The following GPR39 variants were observed in gnomAD, a reference collection of about 807,000 sequenced individuals.
GPR39 encodes the protein G protein-coupled receptor 39.
Under a neutral mutation model 18.4 loss-of-function variants are expected in GPR39, and 23 were observed. The ratio of observed to expected loss-of-function variants is 1.25; its 90% CI spans 0.90 to 1.77. GPR39 has a LOEUF of 1.77. Among genes scored for constraint, GPR39 ranks in the 40% most tolerant of loss-of-function variants. GPR39 has a pLI of 0.00. For synonymous variants in GPR39, 280 were observed against 257.9 expected (o/e 1.09, Z -0.82); for missense variants, 647 against 602.4 (o/e 1.07, Z -0.78).
chr2:132,584,414 T>C (rs893486395), intron 1 of GPR39, among the ~76,000 whole-genome samples: 2 of 152,116 alleles, frequency 1.3e-5, no homozygotes, highest in African/African-American at 4.8e-5. Flanking sequence ...CCACCGAATA[T>C]TCAGAACAAA....
intron 1 of GPR39, among the ~76,000 whole-genome samples, chr2:132,600,040 C>A (rs573157654): frequency 5.4e-4 from 83 of 152,300 alleles, no homozygotes; most frequent in African/African-American, 1.9e-3. Flanking sequence ...CCCATCCATG[C>A]TTGTCTATAC....
chr2:132,586,521 C>G (rs573851662), intron 1 of GPR39, among the ~76,000 whole-genome samples: 14 of 152,264 alleles, frequency 9.2e-5, no homozygotes, highest in African/African-American at 3.1e-4. Context: ...ATGAGACACC[C>G]TTGGGGCCTT....
rs1490415397 is a variant in GPR39 at position 132,646,168 on chromosome 2, G to A, written c.*562G>A. The A allele has an allele frequency of 2.5e-6, 4 of 1,611,570 alleles. No individual in the cohort carries two copies. The Admixed American group carries it at 6.7e-5, about 27-fold the overall frequency. Reference sequence around the variant, plus strand: ...TTGGCCCGTTACAAAGAGGGGTGTTGCAGCAGCTGATGCAAACTGAGTTCA... The same window carrying A: ...TTGGCCCGTTACAAAGAGGGGTGTTACAGCAGCTGATGCAAACTGAGTTCA... On this transcript the variant is annotated 3_prime_UTR_variant, in exon 2 of 2. Transcript: ENST00000329321.
At chr2:132,629,293 G>C (rs1036309441) in intron 1 of GPR39, among the ~76,000 whole-genome samples, 3 of 152,190 alleles carry the variant, frequency 2.0e-5, no homozygotes, top group African/African-American at 7.2e-5. Flanking sequence ...CCTGACCACA[G>C]GTCTAAGATG....
intron 1 of GPR39, among the ~76,000 whole-genome samples, chr2:132,577,879 G>C (rs1680555918): frequency 6.6e-6 from 1 of 151,370 alleles, no homozygotes; most frequent in African/African-American, 2.4e-5. Flanking sequence ...TCCCTTTTTT[G>C]TCTGTTGCCC....
At chr2:132,449,868 C>A (rs546777941) in intron 1 of GPR39, among the ~76,000 whole-genome samples, 4 of 152,252 alleles carry the variant, frequency 2.6e-5, no homozygotes, top group East Asian at 3.9e-4. Context: ...CTTCTCTCCC[C>A]CTTCCTTGCT....
chr2:132,641,299 A>G (rs1316906604), intron 1 of GPR39, among the ~76,000 whole-genome samples: 1 of 152,230 alleles, frequency 6.6e-6, no homozygotes, highest in African/African-American at 2.4e-5. Flanking sequence ...ATAGCTGAGA[A>G]TGCATACTCA....
rs998599332 is a variant in GPR39, at chr2:132,541,360, A to C, written c.857-103741A>C. Among the ~76,000 whole-genome samples the C allele has an allele frequency of 7.2e-5, 11 of 152,218 alleles. 1 individual carries two copies. Among genetic ancestry groups the C allele is most frequent in the Non-Finnish European group, 1.2e-4 (8 of 68,040 alleles). On this transcript the variant is annotated intron_variant, in intron 1 of 1. Transcript: ENST00000329321. Reference sequence around the variant, plus strand: ...CAGCCTCCCAAAGTGCTGAGATTACAGGTGGGAGCCACCACGCCTGGCCAG... The same window carrying C: ...CAGCCTCCCAAAGTGCTGAGATTACCGGTGGGAGCCACCACGCCTGGCCAG...
intron 1 of GPR39, among the ~76,000 whole-genome samples, chr2:132,445,150 T>C (rs780409781): frequency 8.1e-6 from 1 of 123,902 alleles, no homozygotes; most frequent in Non-Finnish European, 1.9e-5. Context: ...TTGTTACATG[T>C]TAACTTACTC....
intron 1 of GPR39, among the ~76,000 whole-genome samples, chr2:132,476,631 A>G (rs533885924): frequency 7.5e-4 from 47 of 62,656 alleles, no homozygotes; most frequent in African/African-American, 2.7e-3. Context: ...GCAAGACTCC[A>G]TCTCAAAAAA....
At chr2:132,592,642 A>T (rs1680867895) in intron 1 of GPR39, among the ~76,000 whole-genome samples, 1 of 152,202 alleles carries the variant, frequency 6.6e-6, no homozygotes, top group South Asian at 2.1e-4. Flanking sequence ...GGTAGCAGAG[A>T]CTAAAGGGTC....
At chr2:132,557,636 G>A (rs970914097) in intron 1 of GPR39, among the ~76,000 whole-genome samples, 1 of 151,932 alleles carries the variant, frequency 6.6e-6, no homozygotes, top group Non-Finnish European at 1.5e-5. Context: ...GGTCAGGCAA[G>A]TAAGTTTATT....
intron 1 of GPR39, among the ~76,000 whole-genome samples, chr2:132,547,224 G>A (rs1160808153): frequency 6.6e-6 from 1 of 152,194 alleles, no homozygotes; most frequent in Non-Finnish European, 1.5e-5. Flanking sequence ...GAATTGATAA[G>A]TAATTGAAAT....
At chr2:132,530,505 T>A (rs543452661) in intron 1 of GPR39, among the ~76,000 whole-genome samples, 3 of 151,428 alleles carry the variant, frequency 2.0e-5, no homozygotes, top group Admixed American at 6.6e-5. Flanking sequence ...ATACAGAGAA[T>A]GCCACAAAGA....
At chr2:132,630,231 A>G (rs1358384276) in intron 1 of GPR39, among the ~76,000 whole-genome samples, 1 of 152,220 alleles carries the variant, frequency 6.6e-6, no homozygotes, top group African/African-American at 2.4e-5. Context: ...AATACAGCCA[A>G]GAAGTATGAG....
intron 1 of GPR39, among the ~76,000 whole-genome samples, chr2:132,633,058 G>A (rs1410545733): frequency 6.6e-6 from 1 of 152,088 alleles, no homozygotes; most frequent in African/African-American, 2.4e-5. Context: ...CCTGAAGAAT[G>A]GGGGGTAAAG....
chr2:132,489,812 T>C (rs1467357868), intron 1 of GPR39, among the ~76,000 whole-genome samples: 1 of 151,986 alleles, frequency 6.6e-6, no homozygotes, highest in Non-Finnish European at 1.5e-5. Context: ...CTTTTCTGTA[T>C]TAAAAATGTA....
chr2:132,465,840 A>G (rs1033195895), intron 1 of GPR39, among the ~76,000 whole-genome samples: 2 of 152,232 alleles, frequency 1.3e-5, no homozygotes, highest in South Asian at 2.1e-4. Context: ...TGGTTGTGCA[A>G]GTAAAATGAG....
intron 1 of GPR39, among the ~76,000 whole-genome samples, chr2:132,570,696 C>T (rs534478413): frequency 1.3e-5 from 2 of 152,266 alleles, no homozygotes; most frequent in African/African-American, 4.8e-5. Context: ...CCTTCCTAGC[C>T]CTCGGCAGTG....
Sources: allele counts gnomAD v4.1 joint callset (sites outside exome capture counted in the v4.1 genomes callset), GRCh38; gene constraint gnomAD v4.1.1; transcripts MANE v1.5; gene names NCBI Gene and HGNC (gene_info 2026-07-23, HGNC 2026-07-21).